The following PDYN variants were observed in gnomAD, a reference collection of about 807,000 sequenced individuals.
The protein encoded by PDYN is proenkephalin-B.
A neutral mutation model predicts 11.4 loss-of-function variants in PDYN; 5 were observed. The observed-to-expected ratio is 0.44, with a 90% CI of 0.23 to 0.92. PDYN has a LOEUF of 0.92. Among genes scored for constraint, PDYN ranks in the 40% least tolerant of loss-of-function variants. PDYN has a pLI of 0.24. For missense variants in PDYN, 337 were observed against 317.3 expected (o/e 1.06, Z -0.47); for synonymous variants, 132 against 129.5 (o/e 1.02, Z -0.13).
chr20:1,982,778 G>C (rs1490649697), intron 3 of PDYN, among the ~76,000 whole-genome samples, 178 bp downstream of exon 3: 2 of 152,134 alleles, frequency 1.3e-5, no homozygotes, highest in African/African-American at 4.8e-5. Context: ...GTCTGGAGTG[G>C]GGACACAGCA....
At chr20:1,985,976 G>A (rs943766836) in intron 2 of PDYN, among the ~76,000 whole-genome samples, 1 of 152,196 alleles carries the variant, frequency 6.6e-6, no homozygotes, top group Non-Finnish European at 1.5e-5. Context: ...CAGCTTAGCT[G>A]CAAAGGTAGG....
intron 2 of PDYN, among the ~76,000 whole-genome samples, chr20:1,991,252 C>T (rs144491871): frequency 3.9e-5 from 6 of 152,324 alleles, no homozygotes; most frequent in African/African-American, 7.2e-5. Flanking sequence ...TAAATCAAAT[C>T]GTCCAGGAAT....
chr20:1,981,768 A>G, intron 3 of PDYN, among the ~76,000 whole-genome samples: 1 of 151,902 alleles, frequency 6.6e-6, no homozygotes, highest in Non-Finnish European at 1.5e-5. Context: ...TCTACTAAAA[A>G]TACAAAAATT....
intron 1 of PDYN, 140 bp downstream of exon 1, chr20:1,993,771 A>C (rs548304470): frequency 6.6e-6 from 1 of 152,400 alleles, no homozygotes; most frequent in African/African-American, 2.4e-5. Flanking sequence ...CTAGCCTCCT[A>C]ACTGTAACCA....
rs1361236863 is a variant in PDYN at position 1,993,685 on chromosome 20, A to G, written c.-80+226T>C. The G allele has an allele frequency of 6.6e-6, 1 of 152,244 alleles. No homozygotes were observed. Among genetic ancestry groups the G allele is most frequent in the Non-Finnish European group, 1.5e-5 (1 of 68,062 alleles). The allele number at this position is 152,244 out of a possible 1,614,324, so 9.4% of individuals were successfully genotyped here. On this transcript the variant is annotated intron_variant, in intron 1 of 3. Transcript: ENST00000217305. ...GGGTGGTCCTCTTGGGAGAGAGCTT[A>G]CCACCTGTTTAAGCCAGGACTGTGC...
At position 1,980,204 on chromosome 20, in the gene PDYN, T is replaced by C; in HGVS notation, c.*119A>G. On this transcript the variant is annotated 3_prime_UTR_variant, in exon 4 of 4. Transcript: ENST00000217305. The stretch of plus-strand genomic sequence containing the variant: ...GAGAGATAGGCTGGGCTTGGATATT[T>C]TGTACACAATGCTGAGCTGAGCATG... The C allele has an allele frequency of 9.6e-7, 1 of 1,038,658 alleles. No individual in the cohort carries two copies. The highest frequency in any genetic ancestry group is 1.3e-5 in the South Asian group (1 of 77,376). 64.3% of individuals were successfully genotyped at this position (1,038,658 alleles called of 1,614,324 possible).
intron 2 of PDYN, among the ~76,000 whole-genome samples, chr20:1,987,248 GATGA>G (rs3039804): frequency 0.28 from 42,058 of 151,374 alleles, 6,751 homozygotes; most frequent in East Asian, 0.82. Context: ...TTGAGTGATT[GATGA>G]ATGAATGAAT....
chr20:1,983,048 G>A lies in PDYN; in HGVS notation c.37C>T (p.Leu13Phe), dbSNP rs761130769. The change falls in exon 3 of 4, where the codon CTC becomes TTC. Residue 13 changes from leucine (L) to phenylalanine (F), a missense_variant. By Grantham distance (22) the Leu-to-Phe change is conservative (BLOSUM62 0). Coordinates refer to ENST00000217305, the MANE Select transcript of PDYN (RefSeq NM_024411.5). ...WQGLVLAACLLMFPSTTADCL... is the reference protein window; with the variant it reads ...WQGLVLAACLFMFPSTTADCL... The stretch of plus-strand genomic sequence containing the variant: ...TCCGCTGTGGTGGAGGGGAACATGA[G>A]GAGGCAGGCAGCCAGGACCAGCCCC... 1.2e-5 allele frequency: 19 copies of A among 1,613,900 alleles called. No individual in the cohort carries two copies. In the South Asian group the frequency reaches 1.5e-4, roughly 13 times the overall value.
chr20:1,989,653 C>A (rs1316685354), intron 2 of PDYN, among the ~76,000 whole-genome samples: 2 of 152,140 alleles, frequency 1.3e-5, no homozygotes, highest in Non-Finnish European at 2.9e-5. Context: ...TTTAACATTG[C>A]AATTATCTCT....
In PDYN at chr20:1,983,039, G is replaced by C; in HGVS notation, c.46C>G (p.Pro16Ala). ...GACAGGCAGTCCGCTGTGGTGGAGG[G>C]GAACATGAGGAGGCAGGCAGCCAGG... ...LVLAACLLMFPSTTADCLSRC... is the reference protein window; with the variant it reads ...LVLAACLLMFASTTADCLSRC... Residue 16 changes from proline (P) to alanine (A), a missense_variant, in exon 3 of 4, where the codon CCC becomes GCC. Physicochemically the swap from Pro to Ala is conservative, Grantham distance 27. Transcript: ENST00000217305. 6.2e-7 allele frequency: 1 copy of C among 1,613,936 alleles called. No homozygotes were observed. Among genetic ancestry groups the C allele is most frequent in the Non-Finnish European group, 8.5e-7 (1 of 1,179,962 alleles).
intron 3 of PDYN, among the ~76,000 whole-genome samples, chr20:1,981,963 T>TA (rs758044748): frequency 2.6e-4 from 38 of 148,530 alleles, no homozygotes; most frequent in Non-Finnish European, 4.9e-4. Flanking sequence ...AATAAATAAA[T>TA]AATAACTTCT....
intron 2 of PDYN, among the ~76,000 whole-genome samples, chr20:1,990,480 A>G (rs759970146): frequency 1.3e-5 from 2 of 152,206 alleles, no homozygotes; most frequent in Admixed American, 6.5e-5. Flanking sequence ...CATCGTAACG[A>G]AAGACGAATG....
intron 2 of PDYN, among the ~76,000 whole-genome samples, chr20:1,991,202 C>T (rs140539804): frequency 1.3e-5 from 2 of 152,198 alleles, no homozygotes; most frequent in African/African-American, 4.8e-5. Context: ...GGGCAAGAGA[C>T]CCTGCCACAT....
In PDYN at chr20:1,980,322, C is replaced by T. The variant is rs774085932; in HGVS notation, c.*1G>A. On this transcript the variant is annotated 3_prime_UTR_variant, in exon 4 of 4. Transcript: ENST00000217305. Reference sequence around the variant, plus strand: ...TGACTCTACTCCATGAAAAGAGGTGCTTATGCATCAAAAAGCTCTCCAGAG... The same window carrying T: ...TGACTCTACTCCATGAAAAGAGGTGTTTATGCATCAAAAAGCTCTCCAGAG... 3.1e-6 allele frequency: 5 copies of T among 1,614,100 alleles called. No homozygotes were observed. Among genetic ancestry groups the T allele is most frequent in the Non-Finnish European group, 3.4e-6 (4 of 1,180,016 alleles).
chr20:1,981,100 G>C, intron 3 of PDYN, 142 bp from the exon 4 acceptor site: 1 of 881,048 alleles, frequency 1.1e-6, no homozygotes, highest in South Asian at 1.5e-5. Context: ...CATACTACTG[G>C]TGGTGCATAA....
intron 2 of PDYN, among the ~76,000 whole-genome samples, chr20:1,990,002 T>C (rs1301334392): frequency 6.6e-6 from 1 of 152,190 alleles, no homozygotes; most frequent in African/African-American, 2.4e-5. Flanking sequence ...AAAGTGCCTC[T>C]CCGTGGTCAC....
At chr20:1,982,856 A>G (rs777588504) in intron 3 of PDYN, 100 bp downstream of exon 3, 52 of 1,317,736 alleles carry the variant, frequency 3.9e-5, no homozygotes, top group Admixed American at 5.2e-5. Flanking sequence ...ATGGATCTAC[A>G]AGACAGCACA....
chr20:1,979,983 T>C lies in PDYN; in HGVS notation c.*340A>G. The C allele has an allele frequency of 2.5e-6, 1 of 399,006 alleles. No individual in the cohort carries two copies. The highest frequency in any genetic ancestry group is 2.2e-5 in the South Asian group (1 of 45,652). 24.7% of individuals were successfully genotyped at this position (399,006 alleles called of 1,614,324 possible). ...CCTACAGGTACAAAGAACACATCGC[T>C]CTGGTTCCCTGGAATTGAGGAGTCA... On this transcript the variant is annotated 3_prime_UTR_variant, in exon 4 of 4. Transcript: ENST00000217305.
chr20:1,980,306 T>C lies in PDYN; in HGVS notation c.*17A>G, dbSNP rs777956872. The C allele has an allele frequency of 6.2e-7, 1 of 1,613,868 alleles. No individual in the cohort carries two copies. Among genetic ancestry groups the C allele is most frequent in the South Asian group, 1.1e-5 (1 of 91,056 alleles). On this transcript the variant is annotated 3_prime_UTR_variant, in exon 4 of 4. Coordinates refer to ENST00000217305, the MANE Select transcript of PDYN (RefSeq NM_024411.5). The stretch of plus-strand genomic sequence containing the variant: ...TGTCAGGGGTTTCTCCTGACTCTAC[T>C]CCATGAAAAGAGGTGCTTATGCATC...
Sources: allele counts gnomAD v4.1 joint callset (sites outside exome capture counted in the v4.1 genomes callset), GRCh38; gene constraint gnomAD v4.1.1; transcripts MANE v1.5; gene names NCBI Gene and HGNC (gene_info 2026-07-23, HGNC 2026-07-21).